P3H4: variants seen among roughly 807,000 people sequenced by gnomAD.
The protein encoded by P3H4 is prolyl 3-hydroxylase family member 4 (inactive).
Under a neutral mutation model 52.9 loss-of-function variants are expected in P3H4, and 47 were observed. The observed-to-expected ratio is 0.89, with a 90% CI of 0.70 to 1.13. P3H4 has a LOEUF of 1.13. P3H4 is among the 50% of genes most tolerant of loss of function. The probability of loss-of-function intolerance (pLI) is 0.00; values close to 1 mark genes in which losing one functional copy is unlikely to be tolerated. For synonymous variants in P3H4, 256 were observed against 267.9 expected, an observed-to-expected ratio of 0.96 and a Z score of 0.44; for missense variants, 585 against 611.0, an observed-to-expected ratio of 0.96 and a Z score of 0.45.
chr17:41,811,343 A>C lies in P3H4; in HGVS notation c.463-59T>G. ...AGCAAGACCGGAGCTCGCGGCCCCGAGCGCACGGCGGGCTTCGTGCCTTGG... is the reference window on the plus strand; with the variant it reads ...AGCAAGACCGGAGCTCGCGGCCCCGCGCGCACGGCGGGCTTCGTGCCTTGG... On this transcript the variant is annotated intron_variant, in intron 1 of 7. Coordinates refer to ENST00000393928, the MANE Select transcript of P3H4 (RefSeq NM_006455.3). The surrounding 1 kb of genome is among the most constrained non-coding windows in gnomAD (Gnocchi z 4.8). The C allele has an allele frequency of 6.2e-7, 1 of 1,608,420 alleles. No individual in the cohort carries two copies. Among genetic ancestry groups the C allele is most frequent in the East Asian group, 2.2e-5 (1 of 44,824 alleles).
chr17:41,810,331 G>A (rs1243376589), intron 3 of P3H4, among the ~76,000 whole-genome samples: 2 of 151,752 alleles, frequency 1.3e-5, no homozygotes, highest in Admixed American at 6.6e-5. Context: ...CCGCCACCAC[G>A]ACCAGCTAAT....
Position 41,811,070 on chromosome 17 carries a change from C to T in P3H4, c.616-36G>A. On this transcript the variant is annotated intron_variant, in intron 2 of 7. Coordinates refer to ENST00000393928, the MANE Select transcript of P3H4 (RefSeq NM_006455.3). This position sits in a 1 kb window ranked among gnomAD's most constrained non-coding sequence, Gnocchi z 4.8. ...CGTGGCAGGGGGAGTCAGGGCGCCC[C>T]CAACATCTCCCCTCCTCTACTAGCC... 1.2e-6 allele frequency: 2 copies of T among 1,608,048 alleles called. No homozygotes were observed. Among genetic ancestry groups the T allele is most frequent in the South Asian group, 2.2e-5 (2 of 90,860 alleles).
In P3H4 at chr17:41,811,166, T is replaced by G. The variant is rs1308372782; in HGVS notation, c.581A>C (p.Glu194Ala). 1 of 1,614,068 alleles carries G rather than the reference T, an allele frequency of 6.2e-7. No homozygotes were observed. The highest frequency in any genetic ancestry group is 8.5e-7 in the Non-Finnish European group (1 of 1,180,040). The change falls in exon 2 of 8, where the codon GAG (glutamate) becomes GCG (alanine). Residue 194 changes from glutamate (E) to alanine (A), a missense_variant. Coordinates refer to ENST00000393928, the MANE Select transcript of P3H4 (RefSeq NM_006455.3). The surrounding 1 kb of genome is among the most constrained non-coding windows in gnomAD (Gnocchi z 4.8). Reference protein sequence around the residue: ...YYQGMLDVADESLTDLEAQPY... With the variant: ...YYQGMLDVADASLTDLEAQPY... ...CTGGGCCTCTAGGTCCGTGAGGGAC[T>G]CGTCGGCGACGTCCAGCATCCCCTG...
In P3H4 at chr17:41,811,920, G is replaced by A. The variant is rs781782827; in HGVS notation, c.-5C>T. 1.0e-5 allele frequency: 15 copies of A among 1,499,518 alleles called. No individual in the cohort carries two copies. Among genetic ancestry groups the A allele is most frequent in the Admixed American group, 8.7e-5 (4 of 46,182 alleles). The allele number at this position is 1,499,518 out of a possible 1,614,324, so 92.9% of individuals were successfully genotyped here. On this transcript the variant is annotated 5_prime_UTR_variant, in exon 1 of 8. Transcript: ENST00000393928. The surrounding 1 kb of genome is among the most constrained non-coding windows in gnomAD (Gnocchi z 4.8). ...CCCCCACGCCACCCGAGCCATGCCC[G>A]CCGCGCCGCCGGCTCTCCGGAGCTG...
At chr17:41,810,429 C>T (rs191719982) in intron 3 of P3H4, among the ~76,000 whole-genome samples, 1 of 152,086 alleles carries the variant, frequency 6.6e-6, no homozygotes, top group Admixed American at 6.6e-5. Context: ...GCCTCGGCCT[C>T]CCAGAGTGCT....
chr17:41,804,230 T>C (rs868987193), intron 6 of P3H4, among the ~76,000 whole-genome samples: 11 of 150,426 alleles, frequency 7.3e-5, no homozygotes, highest in South Asian at 2.2e-4. Context: ...GGATTACAGG[T>C]GTGAGCCACC....
chr17:41,803,237 A>G (rs782557056), intron 7 of P3H4, 50 bp downstream of exon 7: 7 of 1,583,182 alleles, frequency 4.4e-6, no homozygotes, highest in East Asian at 2.3e-5. Flanking sequence ...TCTGTCCCCA[A>G]CCTCCATCCC....
At chr17:41,803,513 C>T (rs958587309) in intron 6 of P3H4, 82 bp from the exon 7 acceptor site, 3 of 1,226,888 alleles carry the variant, frequency 2.4e-6, no homozygotes, top group African/African-American at 3.0e-5. Flanking sequence ...GCCAATGGGA[C>T]TTCCCATCCC....
intron 6 of P3H4, among the ~76,000 whole-genome samples, chr17:41,803,962 T>C (rs1273819810): frequency 1.3e-5 from 2 of 151,070 alleles, no homozygotes; most frequent in African/African-American, 2.4e-5. Context: ...CTTTTTTTTT[T>C]TTTTTTTTGA....
chr17:41,811,114 C>G lies in P3H4; in HGVS notation c.615+18G>C. On this transcript the variant is annotated intron_variant, in intron 2 of 7. Coordinates refer to ENST00000393928, the MANE Select transcript of P3H4 (RefSeq NM_006455.3). The surrounding 1 kb of genome is among the most constrained non-coding windows in gnomAD (Gnocchi z 4.8). ...ACTAGCCCTCCTCTACAAGCCTCCT[C>G]CTGACCCTCCACCCCACCTCGTAGG... The G allele has an allele frequency of 6.2e-7, 1 of 1,614,022 alleles. No homozygotes were observed. The highest frequency in any genetic ancestry group is 1.7e-5 in the Admixed American group (1 of 60,024).
chr17:41,810,698 A>G, intron 3 of P3H4, 165 bp downstream of exon 3: 1 of 758,152 alleles, frequency 1.3e-6, no homozygotes, highest in Non-Finnish European at 2.1e-6. Context: ...CCCCTTGGAC[A>G]CTCCCAGCTG....
In P3H4 at chr17:41,802,889, C is replaced by A; in HGVS notation, c.*68G>T. ...TTAATAAATAGTTCTTGCTGCTGCC[C>A]AGGCTGGTGAGGGTGGGGCCATCGG... On this transcript the variant is annotated 3_prime_UTR_variant, in exon 8 of 8. Coordinates refer to ENST00000393928, the MANE Select transcript of P3H4 (RefSeq NM_006455.3). 1 of 1,512,368 alleles carries A rather than the reference C, an allele frequency of 6.6e-7. No homozygotes were observed. The highest frequency in any genetic ancestry group is 9.2e-7 in the Non-Finnish European group (1 of 1,092,342). 93.7% of individuals were successfully genotyped at this position (1,512,368 alleles called of 1,614,324 possible). A position where few individuals can be genotyped will look rare whatever the true frequency, so the allele number is the denominator to read the frequency against.
In P3H4 at chr17:41,809,749, G is replaced by A. The variant is rs782457193; in HGVS notation, c.873C>T (p.Phe291=). The A allele has an allele frequency of 5.0e-6, 8 of 1,613,646 alleles. No individual in the cohort carries two copies. The highest frequency in any genetic ancestry group is 2.2e-5 in the East Asian group (1 of 44,886). Residue 291 remains phenylalanine (F), a synonymous_variant, in exon 4 of 8, where the codon TTC becomes TTT. Transcript: ENST00000393928. Reference sequence around the variant, plus strand: ...GCAGGTAGTGGTACATGGTGGCCACGAACTTGTCCACGAAGTAGCCACCCA... The same window carrying A: ...GCAGGTAGTGGTACATGGTGGCCACAAACTTGTCCACGAAGTAGCCACCCA... The part of the protein sequence containing the change: ...PNVGGYFVDK[F]VATMYHYLQF...
Position 41,802,918 on chromosome 17 carries a change from C to T in P3H4, c.*39G>A. 6.2e-7 allele frequency: 1 copy of T among 1,607,946 alleles called. No individual in the cohort carries two copies. ...CTGGTGAGGGTGGGGCCATCGGCACCAGGCTTCCCAAGCTTGAGCGGTGTG... is the reference window on the plus strand; with the variant it reads ...CTGGTGAGGGTGGGGCCATCGGCACTAGGCTTCCCAAGCTTGAGCGGTGTG... On this transcript the variant is annotated 3_prime_UTR_variant, in exon 8 of 8. Coordinates refer to ENST00000393928, the MANE Select transcript of P3H4 (RefSeq NM_006455.3).
In P3H4 at chr17:41,802,346, G is replaced by C. The variant is rs930577387; in HGVS notation, c.*611C>G. 4 of 140,678 alleles carry C rather than the reference G, an allele frequency of 2.8e-5. No individual in the cohort carries two copies. The highest frequency in any genetic ancestry group is 6.0e-5 in the Non-Finnish European group (4 of 66,344). The allele number at this position is 140,678 out of a possible 1,614,324, so 8.7% of individuals were successfully genotyped here. On this transcript the variant is annotated 3_prime_UTR_variant, in exon 8 of 8. Coordinates refer to ENST00000393928, the MANE Select transcript of P3H4 (RefSeq NM_006455.3). ...GGCTGGAGTGCAGTGGCACGATCTC[G>C]GCTCACTGCAAGCTCCGCCTCCTGG...
chr17:41,810,882 G>A lies in P3H4; in HGVS notation c.768C>T (p.Asp256=), dbSNP rs144511130. 1.8e-5 allele frequency: 29 copies of A among 1,613,762 alleles called. No individual in the cohort carries two copies. Among genetic ancestry groups the A allele is most frequent in the Non-Finnish European group, 2.4e-5 (28 of 1,179,858 alleles). ...AGATACCTGCTATGGCCGGGTAGAA[G>A]TCCTTGAAGTCCACCTGCTCATGGG... ...EGAHEQVDFK[D]FYPAIADLFA... Residue 256 remains aspartate (D), a synonymous_variant, in exon 3 of 8, where the codon GAC becomes GAT. Coordinates refer to ENST00000393928, the MANE Select transcript of P3H4 (RefSeq NM_006455.3).
intron 3 of P3H4, among the ~76,000 whole-genome samples, chr17:41,810,314 C>G (rs2047716063): frequency 1.3e-5 from 2 of 151,796 alleles, no homozygotes; most frequent in African/African-American, 4.8e-5. Context: ...GCTGGGATTA[C>G]AGGTGCCCGC....
chr17:41,811,572 C>A lies in P3H4; in HGVS notation c.344G>T (p.Cys115Phe). Residue 115 changes from cysteine to phenylalanine, a missense_variant, in exon 1 of 8, where the codon TGC (cysteine) becomes TTC (phenylalanine). By Grantham distance (205) the Cys-to-Phe change is radical. Transcript: ENST00000393928. The surrounding 1 kb of genome is among the most constrained non-coding windows in gnomAD (Gnocchi z 4.8). ...CAGCGTCCGCTTGCAGCGCCGCAGG[C>A]AGGCGGCTCGCTCCAGGACGCGGCC... The part of the protein sequence containing the change: ...LFGRVLERAA[C>F]LRRCKRTLPA... The A allele has an allele frequency of 6.2e-7, 1 of 1,603,200 alleles. No homozygotes were observed.
At position 41,808,414 on chromosome 17, in the gene P3H4, G is replaced by A. The variant is rs549022980; in HGVS notation, c.917-410C>T. 2.6e-4 allele frequency among the ~76,000 whole-genome samples: 40 copies of A among 152,192 alleles called. No homozygotes were observed. In the South Asian group the frequency reaches 7.9e-3, roughly 30 times the overall value. On this transcript the variant is annotated intron_variant, in intron 4 of 7. Transcript: ENST00000393928. ...ATGTTTTTGTTTGTTTTGAGACAGG[G>A]TCTTGTTCTGTCACCCAGGTTGGAG...
Sources: gnomAD v4.1 joint callset for allele counts (sites outside exome capture counted in the v4.1 genomes callset) on GRCh38, gnomAD v4.1.1 for gene constraint, Gnocchi (gnomAD v3.1) non-coding constraint, MANE v1.5 for transcripts, NCBI Gene and HGNC (gene_info 2026-07-23, HGNC 2026-07-21) for gene names.